HADHB: variants seen among roughly 807,000 people sequenced by gnomAD.
The protein encoded by HADHB is hydroxyacyl-CoA dehydrogenase trifunctional multienzyme complex subunit beta, also known as trifunctional enzyme subunit beta, mitochondrial.
Under a neutral mutation model 61.9 loss-of-function variants are expected in HADHB, and 50 were observed. The observed-to-expected ratio is 0.81, with a 90% confidence interval of 0.64 to 1.02. The LOEUF (loss-of-function observed/expected upper bound fraction) is 1.02, where lower values mean the gene tolerates loss of function less well. Among genes scored for constraint, HADHB ranks in the 50% least tolerant of loss-of-function variants. HADHB has a pLI of 0.00. For synonymous variants in HADHB, 191 were observed against 201.6 expected (o/e 0.95, Z 0.45); for missense variants, 504 against 586.5 (o/e 0.86, Z 1.45).
chr2:26,256,508 T>G (rs1260787546), intron 3 of HADHB, among the ~76,000 whole-genome samples: 2 of 128,442 alleles, frequency 1.6e-5, no homozygotes, highest in Admixed American at 9.0e-5. Context: ...TGTCTATGTA[T>G]AGATGTCTTT....
At chr2:26,283,955 T>C (rs1193863683) in intron 12 of HADHB, among the ~76,000 whole-genome samples, 162 bp from the exon 13 acceptor site, 1 of 152,242 alleles carries the variant, frequency 6.6e-6, no homozygotes, top group Admixed American at 6.5e-5. Context: ...GTCTGTACAG[T>C]TTCACTATTT....
intron 14 of HADHB, 85 bp downstream of exon 14, chr2:26,285,042 G>A (rs941644737): frequency 5.1e-6 from 4 of 779,022 alleles, no homozygotes; most frequent in Non-Finnish European, 9.2e-6. Flanking sequence ...AGAATATGAA[G>A]GGAAAGCTTC....
intron 7 of HADHB, among the ~76,000 whole-genome samples, chr2:26,277,684 G>A (rs751108850): frequency 3.9e-5 from 6 of 152,184 alleles, no homozygotes; most frequent in Non-Finnish European, 8.8e-5. Context: ...TACCATTGGC[G>A]TGGTTCCTCT....
At position 26,254,463 on chromosome 2, in the gene HADHB, G is replaced by A. The variant is rs372980146; in HGVS notation, c.98G>A (p.Arg33Gln). ...CCTCTGAGCTGTTCCTCCCAGCTAC[G>A]AGCTGCCCCAGGTACAGTAATTTGT... Reference protein sequence around the residue: ...IRPLSCSSQLRAAPAVQTKTK... With the variant: ...IRPLSCSSQLQAAPAVQTKTK... Residue 33 changes from arginine (R) to glutamine (Q), a missense_variant, in exon 3 of 16, where the codon CGA becomes CAA. Physicochemically the swap from Arg to Gln is conservative, Grantham distance 43 (BLOSUM62 1). Transcript: ENST00000317799. The A allele has an allele frequency of 1.3e-5, 20 of 1,589,590 alleles. No individual in the cohort carries two copies. The highest frequency in any genetic ancestry group is 1.2e-4 in the Admixed American group (7 of 59,984).
At chr2:26,276,596 A>G (rs904144478) in intron 6 of HADHB, among the ~76,000 whole-genome samples, 3 of 152,232 alleles carry the variant, frequency 2.0e-5, no homozygotes, top group Admixed American at 1.3e-4. Flanking sequence ...AATCATTTTC[A>G]TGTTTAATCA....
chr2:26,260,930 ATCTTTTT>A, intron 3 of HADHB: 1 of 859,800 alleles, frequency 1.2e-6, no homozygotes, highest in Non-Finnish European at 1.9e-6. Context: ...TCCTCATGGC[ATCTTTTT>A]AGCTTCAACT....
Position 26,290,019 on chromosome 2 carries a change from C to A in HADHB, c.*66C>A. 1 of 1,019,324 alleles carries A rather than the reference C, an allele frequency of 9.8e-7. No individual in the cohort carries two copies. Among genetic ancestry groups the A allele is most frequent in the Non-Finnish European group, 1.6e-6 (1 of 637,906 alleles). The allele number at this position is 1,019,324 out of a possible 1,614,324, so 63.1% of individuals were successfully genotyped here. A position where few individuals can be genotyped will look rare whatever the true frequency, so the allele number is the denominator to read the frequency against. On this transcript the variant is annotated 3_prime_UTR_variant, in exon 16 of 16. Coordinates refer to ENST00000317799, the MANE Select transcript of HADHB (RefSeq NM_000183.3). The stretch of plus-strand genomic sequence containing the variant: ...CACACTAGGCAATGCCATTTCAATG[C>A]ATTACTAAATGACATTTGTAGTTCC...
At chr2:26,276,297 C>G (rs916884031) in intron 6 of HADHB, among the ~76,000 whole-genome samples, 3 of 152,172 alleles carry the variant, frequency 2.0e-5, no homozygotes, top group Non-Finnish European at 2.9e-5. Flanking sequence ...AAATTATTCT[C>G]TTTGTATCAC....
intron 1 of HADHB, among the ~76,000 whole-genome samples, chr2:26,245,858 T>C (rs1293778352): frequency 6.6e-6 from 1 of 152,190 alleles, no homozygotes; most frequent in East Asian, 1.9e-4. Context: ...TTGCATTTTC[T>C]AGATGAAGTT....
At chr2:26,289,371 C>T (rs1174738175) in intron 15 of HADHB, among the ~76,000 whole-genome samples, 1 of 152,202 alleles carries the variant, frequency 6.6e-6, no homozygotes, top group Non-Finnish European at 1.5e-5. Context: ...CCTTTGGAAT[C>T]ATCTAGACCT....
chr2:26,269,108 C>T (rs936378880), intron 4 of HADHB, among the ~76,000 whole-genome samples: 2 of 150,204 alleles, frequency 1.3e-5, no homozygotes, highest in Admixed American at 6.6e-5. Context: ...GAGATTGCGC[C>T]ATTGCACTTC....
chr2:26,267,353 T>A (rs2147813841), intron 4 of HADHB, among the ~76,000 whole-genome samples: 1 of 151,332 alleles, frequency 6.6e-6, no homozygotes, highest in Non-Finnish European at 1.5e-5. Flanking sequence ...AAAAGAGGGG[T>A]TCAGGGGGTC....
chr2:26,253,903 A>AATAT (rs1671506111), intron 1 of HADHB, among the ~76,000 whole-genome samples: 1 of 149,972 alleles, frequency 6.7e-6, no homozygotes, highest in Non-Finnish European at 1.5e-5. Flanking sequence ...TAAATAAATA[A>AATAT]AAATTCCAGC....
intron 1 of HADHB, among the ~76,000 whole-genome samples, chr2:26,250,716 G>T (rs1464891057): frequency 1.3e-5 from 2 of 151,468 alleles, no homozygotes; most frequent in Non-Finnish European, 2.9e-5. Flanking sequence ...AGCTACTCAG[G>T]AGGCTGAAGC....
At chr2:26,271,943 A>G (rs1016963401) in intron 5 of HADHB, among the ~76,000 whole-genome samples, 1 of 152,114 alleles carries the variant, frequency 6.6e-6, no homozygotes, top group African/African-American at 2.4e-5. Context: ...TTTTTTCTGT[A>G]TGGAGTCTCA....
chr2:26,254,468 GC>G lies in HADHB; in HGVS notation c.107del (p.Pro36GlnfsTer11). The part of the protein sequence containing the change: ...PLSCSSQLRA[A>X]PAVQTKTKKT... ...GAGCTGTTCCTCCCAGCTACGAGCTGCCCCAGGTACAGTAATTTGTAAAATA... is the reference window on the plus strand; with the variant it reads ...GAGCTGTTCCTCCCAGCTACGAGCTGCCCAGGTACAGTAATTTGTAAAATA... On this transcript the variant is annotated frameshift_variant, in exon 3 of 16. Coordinates refer to ENST00000317799, the MANE Select transcript of HADHB (RefSeq NM_000183.3). LOFTEE classifies it high-confidence loss of function. The G allele has an allele frequency of 6.3e-7, 1 of 1,575,338 alleles. No homozygotes were observed. Among genetic ancestry groups the G allele is most frequent in the Non-Finnish European group, 8.7e-7 (1 of 1,144,654 alleles).
intron 3 of HADHB, among the ~76,000 whole-genome samples, chr2:26,260,081 G>T (rs1470975708): frequency 3.3e-4 from 44 of 133,542 alleles, no homozygotes; most frequent in African/African-American, 6.8e-4. Context: ...GTTTTTTCTG[G>T]TTTTTTTTTT....
chr2:26,277,906 C>T (rs1258360582), intron 7 of HADHB, among the ~76,000 whole-genome samples: 2 of 152,250 alleles, frequency 1.3e-5, no homozygotes, highest in Non-Finnish European at 2.9e-5. Context: ...TGGCACAGCT[C>T]TTTCCTTCAC....
intron 14 of HADHB, 61 bp from the exon 15 acceptor site, chr2:26,285,346 C>A: frequency 7.0e-7 from 1 of 1,427,098 alleles, no homozygotes; most frequent in Non-Finnish European, 9.9e-7. Flanking sequence ...GTACTAAGAG[C>A]CTAGCTTGAT....
Sources: allele counts gnomAD v4.1 joint callset (sites outside exome capture counted in the v4.1 genomes callset), GRCh38; gene constraint gnomAD v4.1.1; transcripts MANE v1.5; gene names NCBI Gene and HGNC (gene_info 2026-07-23, HGNC 2026-07-21).